The following PDE4D variants were observed in gnomAD, a reference collection of about 807,000 sequenced individuals.
PDE4D encodes the protein 3',5'-cyclic-AMP phosphodiesterase 4D.
Under a neutral mutation model 87.4 loss-of-function variants are expected in PDE4D, and 24 were observed. That is an observed-to-expected ratio of 0.27 (90% confidence interval 0.20 to 0.39). The LOEUF is 0.39. Among genes scored for constraint, PDE4D ranks in the 10% least tolerant of loss-of-function variants. The pLI, the probability that PDE4D is intolerant of heterozygous loss-of-function variation, is 1.00. For missense variants in PDE4D, 714 were observed against 1,041.0 expected (o/e 0.69, Z 4.32); for synonymous variants, 384 against 383.2 (o/e 1.00, Z -0.02).
In PDE4D at chr5:60,095,500, G is replaced by A. The variant is rs115157646; in HGVS notation, c.42+90057C>T. ...AGTCTTTGCTATTGTGAAAAGTGCC[G>A]CAGTAAACAGACATATGCATGTGTC... On this transcript the variant is annotated intron_variant, in intron 2 of 16. Coordinates refer to the PDE4D transcript ENST00000502484. Among the ~76,000 whole-genome samples, 552 of 152,138 alleles carry A rather than the reference G, an allele frequency of 3.6e-3. 2 individuals are homozygous for A. Among genetic ancestry groups the A allele is most frequent in the Non-Finnish European group, 6.4e-3 (438 of 67,984 alleles).
chr5:59,894,684 A>G (rs1375851334), upstream of PDE4D, among the ~76,000 whole-genome samples: 1 of 152,180 alleles, frequency 6.6e-6, no homozygotes, highest in African/African-American at 2.4e-5. Context: ...GCCTGCCTGC[A>G]ATTTGCCTTT....
At chr5:60,503,258 C>T (rs1212811844) in intron 1 of PDE4D, among the ~76,000 whole-genome samples, 1 of 152,116 alleles carries the variant, frequency 6.6e-6, no homozygotes, top group Non-Finnish European at 1.5e-5. Flanking sequence ...GGGCAGAATA[C>T]CCTATAGACA....
At chr5:60,085,809 TG>T (rs1582578932) in intron 2 of PDE4D, among the ~76,000 whole-genome samples, 1 of 152,348 alleles carries the variant, frequency 6.6e-6, no homozygotes, top group East Asian at 1.9e-4. Context: ...TTCTGTCACT[TG>T]TAATCAAAAG....
chr5:59,343,944 T>C (rs972880985), intron 1 of PDE4D, among the ~76,000 whole-genome samples: 1 of 152,158 alleles, frequency 6.6e-6, no homozygotes, highest in African/African-American at 2.4e-5. Context: ...ATGATTACCA[T>C]TTGAATGCAA....
intron 3 of PDE4D, among the ~76,000 whole-genome samples, chr5:59,903,068 G>C (rs891902098): frequency 6.6e-6 from 1 of 152,122 alleles, no homozygotes; most frequent in African/African-American, 2.4e-5. Context: ...CTTTGGCTGC[G>C]AGTTGCCCAA....
intron 1 of PDE4D, among the ~76,000 whole-genome samples, chr5:60,417,007 TA>T (rs1295402559): frequency 1.3e-5 from 2 of 152,218 alleles, no homozygotes; most frequent in Non-Finnish European, 2.9e-5. Flanking sequence ...ACATGGTTAT[TA>T]ATTAATCAAA....
chr5:60,446,666 A>C (rs1231559495), intron 1 of PDE4D, among the ~76,000 whole-genome samples: 2 of 152,190 alleles, frequency 1.3e-5, no homozygotes, highest in Non-Finnish European at 2.9e-5. Flanking sequence ...AAAGGGAAAA[A>C]ATACACAACA....
chr5:58,970,336 A>AG lies in PDE4D; in HGVS notation c.*4327dup, dbSNP rs1742397218. ...AAAAGTAATCAAATTCCTTTGGGCC[A>AG]GGGCTGCTAAAATCTACAGTTTGTG... On this transcript the variant is annotated 3_prime_UTR_variant, in exon 15 of 15. Transcript: ENST00000340635. The AG allele has an allele frequency of 6.6e-6, 1 of 152,170 alleles. No individual in the cohort carries two copies. Among genetic ancestry groups the AG allele is most frequent in the South Asian group, 2.1e-4 (1 of 4,828 alleles). 9.4% of individuals were successfully genotyped at this position (152,170 alleles called of 1,614,324 possible). A position where few individuals can be genotyped will look rare whatever the true frequency, so the allele number is the denominator to read the frequency against.
At chr5:59,350,590 G>A (rs980287612) in intron 1 of PDE4D, among the ~76,000 whole-genome samples, 6 of 152,052 alleles carry the variant, frequency 3.9e-5, no homozygotes, top group African/African-American at 1.2e-4. Flanking sequence ...ATACACAAAC[G>A]CCAAGCACCT....
chr5:59,411,407 G>T lies in PDE4D; in HGVS notation c.456-195439C>A, dbSNP rs185077133. On this transcript the variant is annotated intron_variant, in intron 1 of 14. Transcript: ENST00000340635. ...TCAAAGGTAGCAAATAAAAAAGACT[G>T]TATTAATTTTCCAGGGCTTCCATAA... 2.0e-5 allele frequency among the ~76,000 whole-genome samples: 3 copies of T among 152,268 alleles called. No individual in the cohort carries two copies. In the East Asian group the frequency reaches 5.8e-4, roughly 29 times the overall value.
chr5:59,346,856 G>T (rs1464162378), intron 1 of PDE4D, among the ~76,000 whole-genome samples: 1 of 152,168 alleles, frequency 6.6e-6, no homozygotes, highest in Non-Finnish European at 1.5e-5. Flanking sequence ...TCCTTTTCTA[G>T]AACCAGTAAG....
intron 1 of PDE4D, among the ~76,000 whole-genome samples, chr5:60,486,602 CA>C (rs1266806058): frequency 1.3e-5 from 2 of 152,064 alleles, no homozygotes; most frequent in Non-Finnish European, 2.9e-5. Flanking sequence ...CAAAATTATG[CA>C]AAACACAACT....
chr5:59,090,719 T>C (rs1356081867), intron 5 of PDE4D, among the ~76,000 whole-genome samples: 4 of 151,462 alleles, frequency 2.6e-5, no homozygotes, highest in African/African-American at 9.7e-5. Context: ...AATATTTGCA[T>C]TCTATAATAT....
chr5:59,391,600 T>C (rs1446213062), intron 1 of PDE4D, among the ~76,000 whole-genome samples: 2 of 152,180 alleles, frequency 1.3e-5, no homozygotes, highest in African/African-American at 4.8e-5. Flanking sequence ...AACATCTGTT[T>C]AAAGGTCTTT....
At chr5:60,050,294 C>T (rs1274284993) in intron 2 of PDE4D, among the ~76,000 whole-genome samples, 2 of 152,140 alleles carry the variant, frequency 1.3e-5, no homozygotes, top group East Asian at 1.9e-4. Flanking sequence ...AACCCAGTAC[C>T]TCAGATGGAA....
intron 1 of PDE4D, among the ~76,000 whole-genome samples, chr5:60,189,651 A>G (rs1041399405): frequency 6.6e-6 from 1 of 152,220 alleles, no homozygotes; most frequent in Non-Finnish European, 1.5e-5. Context: ...ACTGAACAGG[A>G]CATGTTTTAT....
At chr5:59,661,283 G>A (rs1745219114) in intron 1 of PDE4D, among the ~76,000 whole-genome samples, 1 of 151,952 alleles carries the variant, frequency 6.6e-6, no homozygotes, top group South Asian at 2.1e-4. Context: ...ACTTTCTGAA[G>A]AGGGCAAATT....
chr5:59,432,860 T>A (rs1194606816), intron 1 of PDE4D, among the ~76,000 whole-genome samples: 1 of 152,084 alleles, frequency 6.6e-6, no homozygotes, highest in Non-Finnish European at 1.5e-5. Context: ...AGTAAATAAT[T>A]TTTATTAATT....
chr5:59,693,125 G>A (rs1324137428), intron 1 of PDE4D, among the ~76,000 whole-genome samples: 1 of 145,848 alleles, frequency 6.9e-6, no homozygotes, highest in Non-Finnish European at 1.5e-5. Context: ...TACTCTAGAA[G>A]ACCCTGAAAT....
Sources: allele counts gnomAD v4.1 joint callset (sites outside exome capture counted in the v4.1 genomes callset), GRCh38; gene constraint gnomAD v4.1.1; transcripts MANE v1.5; gene names NCBI Gene and HGNC (gene_info 2026-07-23, HGNC 2026-07-21).